The following RPSA2 variants were observed in gnomAD, a reference collection of about 807,000 sequenced individuals.
The protein encoded by RPSA2 is small ribosomal subunit protein uS2B.
chr19:23,776,116 C>T, the RPSA2 span, among the ~76,000 whole-genome samples: 1 of 152,110 alleles, frequency 6.6e-6, no homozygotes, highest in Non-Finnish European at 1.5e-5. Context: ...TGTGAGTCTC[C>T]TCTCATGCCT....
At chr19:23,764,442 A>C in the RPSA2 span, among the ~76,000 whole-genome samples, 3 of 152,156 alleles carry the variant, frequency 2.0e-5, no homozygotes, top group African/African-American at 7.2e-5. Context: ...TTTACACTGC[A>C]GTGGATGGCA....
chr19:23,842,377 A>T, the RPSA2 span, among the ~76,000 whole-genome samples: 1 of 152,220 alleles, frequency 6.6e-6, no homozygotes, highest in South Asian at 2.1e-4. Flanking sequence ...CTCTTTGTTC[A>T]GAATGAAGGA....
the RPSA2 span, among the ~76,000 whole-genome samples, chr19:23,797,407 C>T: frequency 6.6e-6 from 1 of 152,138 alleles, no homozygotes; most frequent in Non-Finnish European, 1.5e-5. Context: ...CATGCCCAGC[C>T]CTGGCCTGTT....
chr19:23,774,034 A>G, the RPSA2 span, among the ~76,000 whole-genome samples: 1 of 152,326 alleles, frequency 6.6e-6, no homozygotes, highest in Admixed American at 6.5e-5. Context: ...GAATAGTGAC[A>G]TATTGCTGAA....
chr19:23,827,327 G>T, the RPSA2 span: 4 of 1,583,086 alleles, frequency 2.5e-6, no homozygotes, highest in African/African-American at 4.0e-5. Context: ...GAGGACCTGG[G>T]AGAAGCTTCT....
At chr19:23,840,499 G>C in the RPSA2 span, among the ~76,000 whole-genome samples, 8 of 152,266 alleles carry the variant, frequency 5.3e-5, no homozygotes, top group African/African-American at 1.9e-4. Context: ...GGTTCTATCT[G>C]AATGCTCCAT....
At chr19:23,826,031 C>CAA in the RPSA2 span, among the ~76,000 whole-genome samples, 44 of 143,438 alleles carry the variant, frequency 3.1e-4, no homozygotes, top group East Asian at 8.0e-4. Context: ...TATTTCTTGT[C>CAA]AAAAAAAAAC....
At chr19:23,836,302 C>T in the RPSA2 span, among the ~76,000 whole-genome samples, 1 of 152,036 alleles carries the variant, frequency 6.6e-6, no homozygotes, top group Non-Finnish European at 1.5e-5. Flanking sequence ...CAGTCTCATC[C>T]AGGTTATTGC....
the RPSA2 span, among the ~76,000 whole-genome samples, chr19:23,779,995 T>C: frequency 6.6e-6 from 1 of 152,186 alleles, no homozygotes; most frequent in Non-Finnish European, 1.5e-5. Flanking sequence ...CTCTCCTGCG[T>C]GATTTCTGCC....
chr19:23,797,357 C>G, the RPSA2 span, among the ~76,000 whole-genome samples: 1 of 151,582 alleles, frequency 6.6e-6, no homozygotes, highest in African/African-American at 2.4e-5. Flanking sequence ...ATCTGCCTGC[C>G]TCGGCCTCCC....
the RPSA2 span, chr19:23,827,474 C>T: frequency 6.3e-6 from 10 of 1,585,170 alleles, no homozygotes; most frequent in Non-Finnish European, 8.6e-7. Flanking sequence ...CCGCTTCACT[C>T]CTGGAACCTT....
At chr19:23,828,170 T>G in the RPSA2 span, 1 of 621,332 alleles carries the variant, frequency 1.6e-6, no homozygotes, top group Non-Finnish European at 2.8e-6. Context: ...AATGACTACT[T>G]ATATGACCAT....
the RPSA2 span, among the ~76,000 whole-genome samples, chr19:23,795,576 A>T: frequency 2.6e-5 from 4 of 152,108 alleles, no homozygotes; most frequent in African/African-American, 9.7e-5. Context: ...TTTTCCACCA[A>T]GACTATACAG....
chr19:23,822,046 C>T, the RPSA2 span, among the ~76,000 whole-genome samples: 39,386 of 152,060 alleles, frequency 0.26, 5,488 homozygotes, highest in East Asian at 0.52. Context: ...GCTGCATTCA[C>T]CATGCACTGA....
the RPSA2 span, among the ~76,000 whole-genome samples, chr19:23,859,256 T>C: frequency 6.6e-6 from 1 of 152,120 alleles, no homozygotes; most frequent in East Asian, 1.9e-4. Flanking sequence ...AAATTATACT[T>C]CCAGTAACAG....
the RPSA2 span, among the ~76,000 whole-genome samples, chr19:23,843,638 T>C: frequency 1.1e-4 from 16 of 152,236 alleles, no homozygotes; most frequent in Non-Finnish European, 2.4e-4. Flanking sequence ...GGTTTTCTTT[T>C]CCCATCATAT....
the RPSA2 span, chr19:23,819,450 A>T: frequency 6.6e-6 from 1 of 152,228 alleles, no homozygotes; most frequent in African/African-American, 2.4e-5. Flanking sequence ...CTGCAACTTT[A>T]GCAGCAGTGA....
the RPSA2 span, among the ~76,000 whole-genome samples, chr19:23,829,727 A>G: frequency 1.2e-3 from 176 of 152,306 alleles, 1 homozygote; most frequent in African/African-American, 3.7e-3. Flanking sequence ...TCTTTATTAC[A>G]TCTTCCCTCA....
chr19:23,822,442 T>C, the RPSA2 span, among the ~76,000 whole-genome samples: 1 of 151,936 alleles, frequency 6.6e-6, no homozygotes, highest in African/African-American at 2.4e-5. Flanking sequence ...GGATTGTGCA[T>C]TAGGAAGATA....
Sources: gnomAD v4.1 joint callset for allele counts (sites outside exome capture counted in the v4.1 genomes callset) on GRCh38, gnomAD v4.1.1 for gene constraint, MANE v1.5 for transcripts, NCBI Gene and HGNC (gene_info 2026-07-23, HGNC 2026-07-21) for gene names.